Variants in LRFN5 observed in about 807,000 individuals in gnomAD.
LRFN5 encodes leucine rich repeat and fibronectin type III domain containing 5.
LRFN5 carries 24 observed loss-of-function variants against 45.6 expected under a neutral mutation model. The ratio of observed to expected loss-of-function variants is 0.53; its 90% CI spans 0.38 to 0.74. The LOEUF (loss-of-function observed/expected upper bound fraction) is 0.74. LRFN5 is among the 30% of genes least tolerant of loss of function. The pLI is 0.00. For synonymous variants in LRFN5, 340 were observed against 313.8 expected, an observed-to-expected ratio of 1.08 and a Z score of -0.88; for missense variants, 776 against 861.5, an observed-to-expected ratio of 0.90 and a Z score of 1.24.
chr14:41,731,031 T>C (rs989945720), intron 1 of LRFN5, among the ~76,000 whole-genome samples: 16 of 152,172 alleles, frequency 1.1e-4, no homozygotes, highest in Non-Finnish European at 2.1e-4. Context: ...TTTGTAGTTA[T>C]ATATTTCAAG....
chr14:41,667,163 G>A (rs1046501261), intron 1 of LRFN5, among the ~76,000 whole-genome samples: 1 of 152,124 alleles, frequency 6.6e-6, no homozygotes, highest in African/African-American at 2.4e-5. Flanking sequence ...TAAGGAAAGC[G>A]ATGAACTGTT....
chr14:41,669,458 A>G (rs1343238121), intron 1 of LRFN5, among the ~76,000 whole-genome samples: 1 of 152,046 alleles, frequency 6.6e-6, no homozygotes, highest in Admixed American at 6.5e-5. Flanking sequence ...GTTATTTCAT[A>G]TAGAAAATTA....
At position 41,606,939 on chromosome 14, in the gene LRFN5, T is replaced by C. The variant is rs1022741210; in HGVS notation, c.-1820T>C. 5.3e-5 allele frequency among the ~76,000 whole-genome samples: 8 copies of C among 152,030 alleles called. No individual in the cohort carries two copies. Among genetic ancestry groups the C allele is most frequent in the South Asian group, 2.1e-4 (1 of 4,830 alleles). On this transcript the variant is annotated 5_prime_UTR_variant, in exon 1 of 6. Transcript: ENST00000298119. ...GTTCCACGCGGCCAGGAGGCCGCCG[T>C]TGCCCACACGCGACGCTTTGGGAAG...
Position 41,891,707 on chromosome 14 carries a change from G to T in LRFN5, c.1843G>T (p.Glu615Ter). ...CAGTGACAATGTGATTCAATCTTCA[G>T]AAACTTGTTCGAGTCAGGACTCCTC... Reference protein sequence around the residue: ...ATSDNVIQSSETCSSQDSSTT... With the variant: ...ATSDNVIQSS The change falls in exon 4 of 6, where the codon GAA becomes TAA. Residue 615 changes from glutamate (E) to a stop codon, truncating the protein, a stop_gained. Transcript: ENST00000298119. LOFTEE classifies it high-confidence loss of function. The T allele has an allele frequency of 6.2e-7, 1 of 1,614,168 alleles. No individual in the cohort carries two copies. The highest frequency in any genetic ancestry group is 8.5e-7 in the Non-Finnish European group (1 of 1,180,034).
rs189074788 is a variant in LRFN5, at chr14:41,645,929, C to G, written c.-197+37367C>G. Among the ~76,000 whole-genome samples the G allele has an allele frequency of 3.8e-3, 574 of 152,074 alleles. 3 individuals are homozygous for G. The highest frequency in any genetic ancestry group is 0.013 in the African/African-American group (533 of 41,478). On this transcript the variant is annotated intron_variant, in intron 1 of 5. Coordinates refer to ENST00000298119, the MANE Select transcript of LRFN5 (RefSeq NM_152447.5). ...TTTCAGCAACTTCATGAAAATTAACCCTTCAGTCAACACAAAACCTGAAGT... is the reference window on the plus strand; with the variant it reads ...TTTCAGCAACTTCATGAAAATTAACGCTTCAGTCAACACAAAACCTGAAGT...
chr14:41,863,323 TTTG>T (rs1594475738), intron 2 of LRFN5, among the ~76,000 whole-genome samples: 1 of 152,368 alleles, frequency 6.6e-6, no homozygotes, highest in East Asian at 1.9e-4. Context: ...TTAGGATTAA[TTTG>T]TTGTTCTCTT....
chr14:41,786,061 G>T (rs527572124), intron 2 of LRFN5, among the ~76,000 whole-genome samples: 2 of 152,160 alleles, frequency 1.3e-5, no homozygotes, highest in South Asian at 2.1e-4. Flanking sequence ...GCTTACAATG[G>T]TTTATGTCTA....
intron 2 of LRFN5, among the ~76,000 whole-genome samples, chr14:41,844,388 G>T (rs2139061435): frequency 6.7e-6 from 1 of 149,182 alleles, no homozygotes; most frequent in South Asian, 2.1e-4. Flanking sequence ...AGTGAGCGGA[G>T]ATCTTGCCAC....
At chr14:41,741,122 A>G (rs534344296) in intron 1 of LRFN5, among the ~76,000 whole-genome samples, 2 of 151,798 alleles carry the variant, frequency 1.3e-5, no homozygotes, top group East Asian at 3.9e-4. Context: ...AAAATTTACT[A>G]TTTTAAAAAC....
chr14:41,658,614 G>A (rs1210714365), intron 1 of LRFN5, among the ~76,000 whole-genome samples: 1 of 151,762 alleles, frequency 6.6e-6, no homozygotes, highest in Non-Finnish European at 1.5e-5. Flanking sequence ...TACCCATATA[G>A]CCAATGATAC....
chr14:41,738,117 A>G (rs988591298), intron 1 of LRFN5, among the ~76,000 whole-genome samples: 1 of 152,216 alleles, frequency 6.6e-6, no homozygotes, highest in African/African-American at 2.4e-5. Context: ...TACAGTAACC[A>G]AAACAGCATG....
At chr14:41,799,236 C>G (rs1887240213) in intron 2 of LRFN5, among the ~76,000 whole-genome samples, 1 of 151,956 alleles carries the variant, frequency 6.6e-6, no homozygotes, top group East Asian at 1.9e-4. Context: ...TTTCTGTAGT[C>G]TACAAATAAC....
At chr14:41,801,690 G>A (rs1887340435) in intron 2 of LRFN5, among the ~76,000 whole-genome samples, 1 of 152,212 alleles carries the variant, frequency 6.6e-6, no homozygotes, top group Non-Finnish European at 1.5e-5. Flanking sequence ...GCACCACACA[G>A]AGTGTGTTGG....
intron 1 of LRFN5, among the ~76,000 whole-genome samples, chr14:41,660,835 A>T (rs1357916668): frequency 1.3e-5 from 2 of 150,708 alleles, no homozygotes; most frequent in East Asian, 3.9e-4. Context: ...ATATATATAT[A>T]TATAATTTTC....
In LRFN5 at chr14:41,681,354, G is replaced by T. The variant is rs901027231; in HGVS notation, c.-197+72792G>T. On this transcript the variant is annotated intron_variant, in intron 1 of 5. Transcript: ENST00000298119. ...TCCCAAAGATCAAGGATAAAGAAAA[G>T]ATTTTAAAAATAACAAGAGAAAAGA... Among the ~76,000 whole-genome samples, 4 of 152,026 alleles carry T rather than the reference G, an allele frequency of 2.6e-5. No homozygotes were observed. The South Asian group carries it at 6.2e-4, about 24-fold the overall frequency.
chr14:41,859,206 C>T (rs180907805), intron 2 of LRFN5, among the ~76,000 whole-genome samples: 15 of 152,288 alleles, frequency 9.8e-5, no homozygotes, highest in African/African-American at 3.6e-4. Context: ...AGAGCCATCT[C>T]CAGCATACCA....
intron 2 of LRFN5, among the ~76,000 whole-genome samples, chr14:41,846,910 A>G (rs1024569171): frequency 6.6e-6 from 1 of 152,062 alleles, no homozygotes; most frequent in African/African-American, 2.4e-5. Context: ...TTCAACTTCA[A>G]AGCGACAAAG....
intron 4 of LRFN5, chr14:41,892,530 T>A: frequency 1.0e-6 from 1 of 973,606 alleles, no homozygotes; most frequent in Non-Finnish European, 1.2e-6. Flanking sequence ...CTATGGATAA[T>A]TGATATTTTT....
intron 1 of LRFN5, chr14:41,610,199 G>A (rs1039277070): frequency 6.6e-6 from 1 of 152,516 alleles, no homozygotes. Context: ...GATGCCCAGA[G>A]CCACAGAGGA....
Sources: allele counts gnomAD v4.1 joint callset (sites outside exome capture counted in the v4.1 genomes callset), GRCh38; gene constraint gnomAD v4.1.1; transcripts MANE v1.5; gene names NCBI Gene and HGNC (gene_info 2026-07-23, HGNC 2026-07-21).